Variants in ZNF169 observed in about 807,000 individuals in gnomAD.
ZNF169 encodes zinc finger protein 169.
Under a neutral mutation model 12.0 loss-of-function variants are expected in ZNF169, and 11 were observed. That is an observed-to-expected ratio of 0.92 (90% CI 0.58 to 1.52). The LOEUF (loss-of-function observed/expected upper bound fraction) is 1.52, where lower values mean the gene tolerates loss of function less well. Ranked by LOEUF, ZNF169 falls within the 40% of genes most tolerant of loss-of-function variation. The pLI, the probability that ZNF169 is intolerant of heterozygous loss-of-function variation, is 0.00. For synonymous variants in ZNF169, 302 were observed against 286.5 expected, an observed-to-expected ratio of 1.05 and a Z score of -0.55; for missense variants, 722 against 744.0, an observed-to-expected ratio of 0.97 and a Z score of 0.34.
intron 2 of ZNF169, among the ~76,000 whole-genome samples, chr9:94,282,099 G>T (rs1381269221): frequency 1.3e-5 from 2 of 152,122 alleles, no homozygotes; most frequent in African/African-American, 4.8e-5. Flanking sequence ...ATATTTTGAG[G>T]TTAAATATTT....
At chr9:94,276,120 G>A (rs937598136) in intron 1 of ZNF169, among the ~76,000 whole-genome samples, 1 of 152,070 alleles carries the variant, frequency 6.6e-6, no homozygotes, top group Non-Finnish European at 1.5e-5. Context: ...TATTTGCAGA[G>A]AACATCGGTT....
chr9:94,273,874 C>A (rs552690972), intron 1 of ZNF169, among the ~76,000 whole-genome samples: 1 of 152,132 alleles, frequency 6.6e-6, no homozygotes, highest in South Asian at 2.1e-4. Context: ...CCACTGCGCC[C>A]GGCCAAAAGC....
chr9:94,273,982 G>T (rs974559505), intron 1 of ZNF169, among the ~76,000 whole-genome samples: 2 of 152,186 alleles, frequency 1.3e-5, no homozygotes, highest in African/African-American at 4.8e-5. Context: ...GTAAACAACA[G>T]AAATTTTTTC....
intron 1 of ZNF169, among the ~76,000 whole-genome samples, chr9:94,277,482 T>C (rs1347914410): frequency 6.6e-6 from 1 of 152,160 alleles, no homozygotes; most frequent in Non-Finnish European, 1.5e-5. Flanking sequence ...AAATATACTT[T>C]GGGGTAATAC....
At chr9:94,275,928 C>G (rs901201609) in intron 1 of ZNF169, among the ~76,000 whole-genome samples, 1 of 151,800 alleles carries the variant, frequency 6.6e-6, no homozygotes, top group African/African-American at 2.4e-5. Context: ...CGCCTGCTAC[C>G]ATGCCCGGCT....
intron 1 of ZNF169, among the ~76,000 whole-genome samples, chr9:94,271,890 G>C (rs1426564858): frequency 6.6e-6 from 1 of 151,002 alleles, no homozygotes; most frequent in African/African-American, 2.4e-5. Context: ...GATTATGTTG[G>C]CCTCATAAAA....
At chr9:94,290,668 A>T (rs938983775) in intron 2 of ZNF169, among the ~76,000 whole-genome samples, 2 of 152,124 alleles carry the variant, frequency 1.3e-5, no homozygotes, top group Non-Finnish European at 2.9e-5. Context: ...TTCTTTATTC[A>T]TTCAGTTGAT....
rs71366221 is a variant in ZNF169 at position 94,270,712 on chromosome 9, A to ATATATAATATATATTATATAATATATT, written c.-55-8036_-55-8035insATATTATATAATATATTTATATAATAT. On this transcript the variant is annotated intron_variant, in intron 1 of 4. Coordinates refer to ENST00000395395, the MANE Select transcript of ZNF169 (RefSeq NM_194320.4). ...AATATATAATTTATATAATTATATA[A>ATATATAATATATATTATATAATATATT]TATATAATATTATATATTATATAAT... 5.4e-4 allele frequency among the ~76,000 whole-genome samples: 19 copies of ATATATAATATATATTATATAATATATT among 35,164 alleles called. 4 individuals are homozygous for ATATATAATATATATTATATAATATATT. The East Asian group carries it at 0.026, about 48-fold the overall frequency. 23.1% of individuals were successfully genotyped at this position (35,164 alleles called of 152,430 possible).
At chr9:94,280,097 G>A (rs994978914) in intron 2 of ZNF169, among the ~76,000 whole-genome samples, 2 of 152,206 alleles carry the variant, frequency 1.3e-5, no homozygotes, top group Non-Finnish European at 2.9e-5. Flanking sequence ...AATATGTCAA[G>A]TGTAGAATGA....
chr9:94,282,381 G>A (rs953299004), intron 2 of ZNF169, among the ~76,000 whole-genome samples: 7 of 152,170 alleles, frequency 4.6e-5, no homozygotes, highest in Admixed American at 4.6e-4. Flanking sequence ...GACATGCGAC[G>A]ACGTCAATCA....
At chr9:94,276,127 G>A (rs776570638) in intron 1 of ZNF169, among the ~76,000 whole-genome samples, 8 of 151,860 alleles carry the variant, frequency 5.3e-5, no homozygotes, top group Admixed American at 2.0e-4. Context: ...AGAGAACATC[G>A]GTTAGACCAT....
At chr9:94,288,449 C>T in intron 2 of ZNF169, 1 of 1,092,432 alleles carries the variant, frequency 9.2e-7, no homozygotes, top group Non-Finnish European at 1.4e-6. Flanking sequence ...CCATTCTTCT[C>T]TTTTGTTTTC....
chr9:94,284,135 C>G (rs967429297), intron 2 of ZNF169, among the ~76,000 whole-genome samples: 4 of 147,646 alleles, frequency 2.7e-5, no homozygotes, highest in African/African-American at 1.0e-4. Context: ...AATAAAAATC[C>G]TCCCAAGGGT....
intron 1 of ZNF169, among the ~76,000 whole-genome samples, chr9:94,261,469 T>G (rs996015608): frequency 6.6e-6 from 1 of 152,248 alleles, no homozygotes; most frequent in Non-Finnish European, 1.5e-5. Context: ...CTTCTCAGTA[T>G]GAAAACATTG....
At chr9:94,270,780 TATAA>T (rs1830387835) in intron 1 of ZNF169, among the ~76,000 whole-genome samples, 1 of 80,660 alleles carries the variant, frequency 1.2e-5, no homozygotes, top group South Asian at 2.9e-4. Context: ...TTATATATTA[TATAA>T]ATATATATAA....
chr9:94,292,580 A>G, intron 3 of ZNF169, 113 bp downstream of exon 3: 1 of 1,396,526 alleles, frequency 7.2e-7, no homozygotes, highest in Non-Finnish European at 9.7e-7. Context: ...CTATTCCCCC[A>G]GAGAATGCCT....
chr9:94,292,497 T>G lies in ZNF169; in HGVS notation c.160+30T>G, dbSNP rs114564827. The G allele has an allele frequency of 8.7e-4, 1,385 of 1,596,908 alleles. 6 individuals are homozygous for G. The African/African-American group carries it at 0.013, about 15-fold the overall frequency. ...GGCTGGCCTGTTTAAGGTTTCAGATTCTGCTTGTGGGTATTTTAAGCTCTT... is the reference window on the plus strand; with the variant it reads ...GGCTGGCCTGTTTAAGGTTTCAGATGCTGCTTGTGGGTATTTTAAGCTCTT... On this transcript the variant is annotated intron_variant, in intron 3 of 4. Transcript: ENST00000395395.
At chr9:94,299,601 G>T in intron 4 of ZNF169, 1 of 1,384,392 alleles carries the variant, frequency 7.2e-7, no homozygotes, top group Non-Finnish European at 9.3e-7. Flanking sequence ...AATTTATAGA[G>T]CTGAAGCTGC....
intron 4 of ZNF169, chr9:94,296,923 T>C (rs1396575308): frequency 4.7e-6 from 2 of 423,022 alleles, no homozygotes; most frequent in Non-Finnish European, 4.7e-6. Context: ...GGTGCGCACC[T>C]GTAATCACAG....
Sources: allele counts gnomAD v4.1 joint callset (sites outside exome capture counted in the v4.1 genomes callset), GRCh38; gene constraint gnomAD v4.1.1; transcripts MANE v1.5; gene names NCBI Gene and HGNC (gene_info 2026-07-23, HGNC 2026-07-21).